The following MDGA2 variants were observed in gnomAD, a reference collection of about 807,000 sequenced individuals.
The protein encoded by MDGA2 is MAM domain containing glycosylphosphatidylinositol anchor 2, also known as MAM domain-containing glycosylphosphatidylinositol anchor protein 2.
In MDGA2, 40 loss-of-function variants were observed where a neutral mutation model predicts 117.8. The observed-to-expected ratio is 0.34, with a 90% CI of 0.26 to 0.44. The LOEUF is 0.44. MDGA2 is among the 20% of genes least tolerant of loss of function. The probability of loss-of-function intolerance (pLI) is 1.00; values close to 1 mark genes in which losing one functional copy is unlikely to be tolerated. For synonymous variants in MDGA2, 452 were observed against 439.0 expected (o/e 1.03, Z -0.37); for missense variants, 1,123 against 1,250.6 (o/e 0.90, Z 1.54).
At chr14:47,357,361 T>C (rs980912994) in intron 1 of MDGA2, among the ~76,000 whole-genome samples, 5 of 152,226 alleles carry the variant, frequency 3.3e-5, no homozygotes, top group Non-Finnish European at 5.9e-5. Context: ...TCCAACACTT[T>C]GGCAGCTAAC....
chr14:47,477,615 TAA>T (rs1034619139), intron 1 of MDGA2, among the ~76,000 whole-genome samples: 16 of 152,342 alleles, frequency 1.1e-4, no homozygotes, highest in African/African-American at 3.6e-4. Context: ...ATCTTGGACT[TAA>T]GTTATTCCTG....
intron 1 of MDGA2, among the ~76,000 whole-genome samples, chr14:47,640,072 C>T (rs955989352): frequency 1.3e-5 from 2 of 152,166 alleles, no homozygotes; most frequent in African/African-American, 4.8e-5. Context: ...TAGCAAGCTT[C>T]CTATTAGCTA....
chr14:47,584,306 A>G (rs1432013591), intron 1 of MDGA2, among the ~76,000 whole-genome samples: 3 of 151,868 alleles, frequency 2.0e-5, no homozygotes, highest in Non-Finnish European at 4.4e-5. Flanking sequence ...AATATGTTAT[A>G]CAATGTAAAA....
chr14:47,375,407 C>CA (rs1269309073), intron 1 of MDGA2, among the ~76,000 whole-genome samples: 2 of 151,950 alleles, frequency 1.3e-5, no homozygotes, highest in Non-Finnish European at 2.9e-5. Context: ...CAAATAAACT[C>CA]AAAATGCTTT....
intron 1 of MDGA2, among the ~76,000 whole-genome samples, chr14:47,364,515 C>T (rs1486491692): frequency 1.3e-5 from 2 of 152,148 alleles, no homozygotes; most frequent in African/African-American, 2.4e-5. Context: ...CCACCCGCCT[C>T]GGCCTCCCAA....
intron 7 of MDGA2, among the ~76,000 whole-genome samples, chr14:47,036,270 C>CAAAAAAAAAA (rs11310113): frequency 1.3e-5 from 1 of 74,444 alleles, no homozygotes; most frequent in African/African-American, 5.8e-5. Context: ...ACTCTGTCTC[C>CAAAAAAAAAA]AAAAAAAAAA....
chr14:46,904,390 A>C (rs1417115881), intron 10 of MDGA2, among the ~76,000 whole-genome samples: 1 of 151,520 alleles, frequency 6.6e-6, no homozygotes. Context: ...TTTTATTTTA[A>C]ATATTTGATT....
chr14:47,023,184 A>G (rs1229861441), intron 8 of MDGA2, among the ~76,000 whole-genome samples: 1 of 145,692 alleles, frequency 6.9e-6, no homozygotes, highest in Non-Finnish European at 1.5e-5. Flanking sequence ...TGCAACCGAA[A>G]GTATTCCCAC....
chr14:47,428,033 T>A (rs916592272), intron 1 of MDGA2, among the ~76,000 whole-genome samples: 2 of 152,166 alleles, frequency 1.3e-5, no homozygotes, highest in Non-Finnish European at 2.9e-5. Flanking sequence ...AGATTTTTCG[T>A]TTCTTTTTTT....
intron 10 of MDGA2, among the ~76,000 whole-genome samples, chr14:46,916,881 C>T (rs1203268224): frequency 6.6e-6 from 1 of 152,006 alleles, no homozygotes; most frequent in African/African-American, 2.4e-5. Flanking sequence ...AAAAGAAAAT[C>T]CTAAGAACAA....
At chr14:47,205,396 C>T (rs1885648676) in intron 3 of MDGA2, among the ~76,000 whole-genome samples, 1 of 151,862 alleles carries the variant, frequency 6.6e-6, no homozygotes, top group South Asian at 2.1e-4. Context: ...ATGCTTTATA[C>T]ATTTTAATAT....
intron 3 of MDGA2, among the ~76,000 whole-genome samples, chr14:47,176,257 A>T (rs1441805088): frequency 6.6e-6 from 1 of 152,214 alleles, no homozygotes; most frequent in African/African-American, 2.4e-5. Flanking sequence ...TGCCATCCCC[A>T]TCAAGCTACC....
chr14:47,109,648 A>C (rs1335920841), intron 5 of MDGA2, among the ~76,000 whole-genome samples: 1 of 152,228 alleles, frequency 6.6e-6, no homozygotes, highest in African/African-American at 2.4e-5. Flanking sequence ...ATCAAACTTA[A>C]TTTAAAATGA....
At chr14:47,086,601 G>A (rs1890910183) in intron 6 of MDGA2, among the ~76,000 whole-genome samples, 1 of 94,782 alleles carries the variant, frequency 1.1e-5, no homozygotes, top group Non-Finnish European at 2.1e-5. Context: ...AAAGATAGAA[G>A]TTAAACATAG....
intron 2 of MDGA2, among the ~76,000 whole-genome samples, chr14:47,242,456 C>A (rs376256377): frequency 6.6e-6 from 1 of 151,962 alleles, no homozygotes; most frequent in Non-Finnish European, 1.5e-5. Flanking sequence ...GAGGCACGAG[C>A]GGGAACCGGG....
chr14:47,628,988 T>C (rs1442318807), intron 1 of MDGA2, among the ~76,000 whole-genome samples: 2 of 152,216 alleles, frequency 1.3e-5, no homozygotes, highest in African/African-American at 2.4e-5. Context: ...TCACAGGCAC[T>C]GTAGCCTCAC....
At chr14:47,135,195 C>A (rs997774055) in intron 4 of MDGA2, among the ~76,000 whole-genome samples, 3 of 152,022 alleles carry the variant, frequency 2.0e-5, no homozygotes, top group African/African-American at 7.2e-5. Context: ...ACTGTGACAG[C>A]TCCTCGTATA....
chr14:46,931,857 T>C (rs1884592113), intron 9 of MDGA2, among the ~76,000 whole-genome samples: 1 of 152,162 alleles, frequency 6.6e-6, no homozygotes, highest in African/African-American at 2.4e-5. Context: ...ATGTAATCAA[T>C]TTAATTGTAG....
At chr14:47,016,397 T>G (rs138828863) in intron 8 of MDGA2, among the ~76,000 whole-genome samples, 1 of 152,222 alleles carries the variant, frequency 6.6e-6, no homozygotes, top group East Asian at 1.9e-4. Flanking sequence ...GCTAGGTTTT[T>G]AAGATTAACA....
Sources: gnomAD v4.1 joint callset for allele counts (sites outside exome capture counted in the v4.1 genomes callset) on GRCh38, gnomAD v4.1.1 for gene constraint, MANE v1.5 for transcripts, NCBI Gene and HGNC (gene_info 2026-07-23, HGNC 2026-07-21) for gene names.